ALMS1: variants seen among roughly 807,000 people sequenced by gnomAD.
ALMS1 encodes centrosome-associated protein ALMS1.
Under a neutral mutation model 352.2 loss-of-function variants are expected in ALMS1, and 271 were observed. The ratio of observed to expected loss-of-function variants is 0.77; its 90% CI spans 0.70 to 0.85. The LOEUF is 0.85. Ranked by LOEUF, ALMS1 falls within the 40% of genes least tolerant of loss-of-function variation. ALMS1 has a pLI of 0.00. For synonymous variants in ALMS1, 1,865 were observed against 1,761.2 expected, an observed-to-expected ratio of 1.06 and a Z score of -1.48; for missense variants, 5,445 against 4,870.7, an observed-to-expected ratio of 1.12 and a Z score of -3.51.
intron 15 of ALMS1, among the ~76,000 whole-genome samples, chr2:73,569,854 T>C (rs1420876367): frequency 6.6e-6 from 1 of 152,226 alleles, no homozygotes; most frequent in Non-Finnish European, 1.5e-5. Context: ...TGTATACTTG[T>C]ACTTCTTGTT....
At chr2:73,405,570 C>A (rs1488819652) in intron 1 of ALMS1, among the ~76,000 whole-genome samples, 2 of 151,134 alleles carry the variant, frequency 1.3e-5, no homozygotes, top group Non-Finnish European at 2.9e-5. Flanking sequence ...TTTCTATTCT[C>A]TTTTCTTTAT....
intron 16 of ALMS1, among the ~76,000 whole-genome samples, chr2:73,589,729 A>C (rs1246576190): frequency 2.6e-5 from 4 of 152,156 alleles, no homozygotes; most frequent in Non-Finnish European, 4.4e-5. Context: ...GAGTGCATCT[A>C]CCCACTTACG....
intron 1 of ALMS1, among the ~76,000 whole-genome samples, chr2:73,391,491 C>A (rs1260366079): frequency 6.6e-6 from 1 of 151,908 alleles, no homozygotes; most frequent in East Asian, 1.9e-4. Context: ...GACGGGGTTT[C>A]ACCGTGTTAG....
chr2:73,604,900 A>G (rs1205075918), intron 21 of ALMS1, among the ~76,000 whole-genome samples: 4 of 152,216 alleles, frequency 2.6e-5, no homozygotes, highest in Non-Finnish European at 5.9e-5. Flanking sequence ...TCTAGTAGGC[A>G]TTGTATCCTG....
In ALMS1 at chr2:73,540,298, C is replaced by T. The variant is rs551358722; in HGVS notation, c.9907+5349C>T. Among the ~76,000 whole-genome samples the T allele has an allele frequency of 1.3e-3, 195 of 152,242 alleles. 1 individual carries two copies. Among genetic ancestry groups the T allele is most frequent in the African/African-American group, 3.9e-3 (164 of 41,572 alleles). On this transcript the variant is annotated intron_variant, in intron 12 of 22. Coordinates refer to ENST00000613296, the MANE Select transcript of ALMS1 (RefSeq NM_001378454.1). ...TTCATAAGTGAAGGAGAAATAAAAT[C>T]CTTTACAGACAAGCAAATGCTGAGA...
At chr2:73,500,858 C>T (rs540941263) in intron 10 of ALMS1, among the ~76,000 whole-genome samples, 1 of 152,240 alleles carries the variant, frequency 6.6e-6, no homozygotes, top group East Asian at 1.9e-4. Flanking sequence ...ATAGCTGCTC[C>T]ATGTAGTCTA....
chr2:73,546,255 G>T (rs912476476), intron 12 of ALMS1, among the ~76,000 whole-genome samples: 3 of 152,142 alleles, frequency 2.0e-5, no homozygotes, highest in African/African-American at 4.8e-5. Flanking sequence ...CCCTGTAAAT[G>T]TTCACTTAGT....
chr2:73,598,940 T>A (rs913166003), intron 16 of ALMS1, among the ~76,000 whole-genome samples: 1 of 152,196 alleles, frequency 6.6e-6, no homozygotes, highest in African/African-American at 2.4e-5. Flanking sequence ...CATCAGGACG[T>A]CTCACGAGCC....
chr2:73,575,591 T>C (rs1055072627), intron 16 of ALMS1, among the ~76,000 whole-genome samples: 8 of 152,252 alleles, frequency 5.3e-5, no homozygotes, highest in African/African-American at 1.9e-4. Flanking sequence ...CACATCTTTT[T>C]ATGTGCTTAT....
chr2:73,468,771 A>G (rs377728569), intron 9 of ALMS1, among the ~76,000 whole-genome samples: 5 of 151,806 alleles, frequency 3.3e-5, no homozygotes, highest in African/African-American at 1.2e-4. Context: ...GCCAATCTCT[A>G]TTGATTAAAT....
At chr2:73,510,497 C>G (rs1225798957) in intron 10 of ALMS1, among the ~76,000 whole-genome samples, 2 of 152,188 alleles carry the variant, frequency 1.3e-5, no homozygotes, top group Non-Finnish European at 2.9e-5. Context: ...CTGGAGTTTA[C>G]TGGGGGTCCA....
In ALMS1 at chr2:73,534,959, A is replaced by G. The variant is rs1386138198; in HGVS notation, c.9907+10A>G. On this transcript the variant is annotated intron_variant, in intron 12 of 22. Transcript: ENST00000613296. ...GAAAGCTCCCATTCAGGTATTATGC[A>G]GAAATTATTCGAAGTTTTATTGTTT... 6.2e-7 allele frequency: 1 copy of G among 1,613,652 alleles called. No individual in the cohort carries two copies. Among genetic ancestry groups the G allele is most frequent in the Admixed American group, 1.7e-5 (1 of 60,020 alleles).
chr2:73,445,265 CTT>C (rs979416315), intron 7 of ALMS1, among the ~76,000 whole-genome samples: 1 of 152,018 alleles, frequency 6.6e-6, no homozygotes, highest in African/African-American at 2.4e-5. Context: ...CAGTTATACT[CTT>C]TTAATTTAAA....
intron 11 of ALMS1, among the ~76,000 whole-genome samples, chr2:73,530,929 T>G (rs1282319773): frequency 6.6e-6 from 1 of 152,170 alleles, no homozygotes; most frequent in African/African-American, 2.4e-5. Context: ...GGGCACCAAG[T>G]CCCAAGGCTG....
intron 16 of ALMS1, among the ~76,000 whole-genome samples, chr2:73,592,622 G>C (rs1391304306): frequency 6.6e-6 from 1 of 152,170 alleles, no homozygotes; most frequent in Non-Finnish European, 1.5e-5. Flanking sequence ...CTAGCTGAAG[G>C]CCAGCAGTAC....
At chr2:73,446,383 T>C (rs1480912292) in intron 7 of ALMS1, among the ~76,000 whole-genome samples, 1 of 152,196 alleles carries the variant, frequency 6.6e-6, no homozygotes, top group African/African-American at 2.4e-5. Flanking sequence ...TCTGTTTTGG[T>C]TTATTAGCTT....
chr2:73,415,641 T>G (rs1671169955), intron 2 of ALMS1, among the ~76,000 whole-genome samples: 1 of 151,980 alleles, frequency 6.6e-6, no homozygotes, highest in African/African-American at 2.4e-5. Context: ...ACCAGGAAAA[T>G]GTAGTAGGAT....
At chr2:73,436,959 G>A (rs1055775797) in intron 7 of ALMS1, among the ~76,000 whole-genome samples, 3 of 152,152 alleles carry the variant, frequency 2.0e-5, no homozygotes, top group Non-Finnish European at 2.9e-5. Context: ...TTCTGTTATT[G>A]TTCTAAACTG....
chr2:73,563,658 G>C (rs1404057783), intron 15 of ALMS1, among the ~76,000 whole-genome samples: 1 of 149,646 alleles, frequency 6.7e-6, no homozygotes, highest in Admixed American at 6.7e-5. Flanking sequence ...GGGCGGCAGA[G>C]CTTGCAGTGA....
Sources: allele counts gnomAD v4.1 joint callset (sites outside exome capture counted in the v4.1 genomes callset), GRCh38; gene constraint gnomAD v4.1.1; transcripts MANE v1.5; gene names NCBI Gene and HGNC (gene_info 2026-07-23, HGNC 2026-07-21).